Variants in AGBL1 observed in about 807,000 individuals in gnomAD.
AGBL1 encodes the protein cytosolic carboxypeptidase 4.
A neutral mutation model predicts 118.9 loss-of-function variants in AGBL1; 130 were observed. That is an observed-to-expected ratio of 1.09 (90% CI 0.95 to 1.26). AGBL1 has a LOEUF of 1.26. AGBL1 is among the 50% of genes most tolerant of loss of function. AGBL1 has a pLI of 0.00. For missense variants in AGBL1, 1,584 were observed against 1,298.1 expected (o/e 1.22, Z -3.38); for synonymous variants, 555 against 478.9 (o/e 1.16, Z -2.08).
intron 21 of AGBL1, among the ~76,000 whole-genome samples, chr15:86,668,119 C>G (rs548819416): frequency 6.6e-6 from 1 of 152,150 alleles, no homozygotes; most frequent in Non-Finnish European, 1.5e-5. Context: ...GGGGAGGGCA[C>G]CAAGCCATCC....
intron 22 of AGBL1, among the ~76,000 whole-genome samples, chr15:86,898,171 T>G (rs561115501): frequency 1.3e-5 from 2 of 152,334 alleles, no homozygotes; most frequent in East Asian, 3.9e-4. Flanking sequence ...AGCACCAGAA[T>G]AAATACACAT....
chr15:86,158,298 A>G (rs2077219871), intron 4 of AGBL1, among the ~76,000 whole-genome samples: 1 of 152,198 alleles, frequency 6.6e-6, no homozygotes, highest in Non-Finnish European at 1.5e-5. Context: ...GCAATTCAGT[A>G]TCATCCACCC....
intron 22 of AGBL1, among the ~76,000 whole-genome samples, chr15:86,804,792 G>A (rs560016542): frequency 1.5e-4 from 23 of 152,264 alleles, no homozygotes; most frequent in Non-Finnish European, 8.8e-5. Context: ...TGCATAGAAG[G>A]AAAGCCACAG....
chr15:87,023,682 A>G (rs1357914432), intron 24 of AGBL1, among the ~76,000 whole-genome samples: 6 of 152,110 alleles, frequency 3.9e-5, no homozygotes, highest in Admixed American at 3.9e-4. Flanking sequence ...CAGAATATAC[A>G]TTGTATTAAA....
At chr15:86,639,522 C>G (rs2085156854) in intron 21 of AGBL1, among the ~76,000 whole-genome samples, 1 of 152,170 alleles carries the variant, frequency 6.6e-6, no homozygotes, top group Non-Finnish European at 1.5e-5. Context: ...GGCCATGCAT[C>G]TTCTGTGCCA....
chr15:87,025,533 A>C (rs892399621), intron 24 of AGBL1, among the ~76,000 whole-genome samples: 2 of 152,108 alleles, frequency 1.3e-5, no homozygotes, highest in Admixed American at 1.3e-4. Context: ...TCCCATGCTC[A>C]TGGATGGGTA....
chr15:86,367,124 A>G lies in AGBL1; in HGVS notation c.2375-30242A>G, dbSNP rs149805247. ...GAACTGTTTAGAACCAAGTGACAAA[A>G]CCCAATTGAAAATGGTTTCAACGAA... On this transcript the variant is annotated intron_variant, in intron 17 of 22. Coordinates refer to ENST00000614907, the MANE Select transcript of AGBL1 (RefSeq NM_001386094.1). Among the ~76,000 whole-genome samples the G allele has an allele frequency of 9.8e-3, 1,500 of 152,296 alleles. 9 individuals carry two copies. The highest frequency in any genetic ancestry group is 0.024 in the Middle Eastern group (7 of 294).
At position 87,021,864 on chromosome 15, in the gene AGBL1, C is replaced by T. The variant is rs576277718; in HGVS notation, c.3324-6961C>T. Among the ~76,000 whole-genome samples the T allele has an allele frequency of 1.3e-4, 20 of 152,164 alleles. No homozygotes were observed. The South Asian group carries it at 3.9e-3, about 30-fold the overall frequency. The stretch of plus-strand genomic sequence containing the variant: ...AATAAATCAGGAAACCTGAAAGGAC[C>T]CACAGACCCCTGAAGGAAGCGGATT... On this transcript the variant is annotated intron_variant, in intron 24 of 24. Coordinates refer to the AGBL1 transcript ENST00000441037.
intron 22 of AGBL1, among the ~76,000 whole-genome samples, chr15:86,831,375 C>G (rs2079101459): frequency 6.6e-6 from 1 of 152,184 alleles, no homozygotes; most frequent in Non-Finnish European, 1.5e-5. Flanking sequence ...AGTCCAAAGT[C>G]TCATCTGAGA....
At chr15:86,708,100 A>G (rs758285963) in intron 22 of AGBL1, among the ~76,000 whole-genome samples, 1 of 152,100 alleles carries the variant, frequency 6.6e-6, no homozygotes, top group East Asian at 1.9e-4. Context: ...TCTTTCAGTG[A>G]CACAGGCATT....
intron 18 of AGBL1, among the ~76,000 whole-genome samples, chr15:86,468,718 G>A (rs2082439213): frequency 6.6e-6 from 1 of 152,152 alleles, no homozygotes; most frequent in African/African-American, 2.4e-5. Flanking sequence ...CATCACCAAG[G>A]AATAATGAGT....
chr15:86,093,971 G>T (rs1259510450), intron 1 of AGBL1, among the ~76,000 whole-genome samples: 1 of 151,960 alleles, frequency 6.6e-6, no homozygotes, highest in Non-Finnish European at 1.5e-5. Flanking sequence ...GAATTTGTTA[G>T]GTGAGGAAAC....
chr15:86,459,878 T>A (rs942131388), intron 18 of AGBL1, among the ~76,000 whole-genome samples: 1 of 152,098 alleles, frequency 6.6e-6, no homozygotes, highest in Non-Finnish European at 1.5e-5. Context: ...ATGCTTATAG[T>A]GAAATCAGCT....
At chr15:86,845,311 T>G (rs193199988) in intron 22 of AGBL1, among the ~76,000 whole-genome samples, 9 of 152,270 alleles carry the variant, frequency 5.9e-5, no homozygotes, top group South Asian at 4.1e-4. Context: ...TAAATCCTTT[T>G]TATAGGCAGT....
At chr15:86,424,696 A>G (rs1317432595) in intron 18 of AGBL1, among the ~76,000 whole-genome samples, 1 of 152,242 alleles carries the variant, frequency 6.6e-6, no homozygotes, top group Non-Finnish European at 1.5e-5. Context: ...TTACAATTGA[A>G]AAAACCAACA....
chr15:86,617,786 ACACAC>A (rs1276950961), intron 21 of AGBL1, among the ~76,000 whole-genome samples: 2 of 151,796 alleles, frequency 1.3e-5, no homozygotes, highest in African/African-American at 4.8e-5. Context: ...ACACACACAC[ACACAC>A]ACAGCCAGCC....
chr15:86,466,403 T>C (rs1205410899), intron 18 of AGBL1, among the ~76,000 whole-genome samples: 3 of 152,252 alleles, frequency 2.0e-5, no homozygotes, highest in Admixed American at 6.5e-5. Flanking sequence ...TAACCTTTTA[T>C]CAAGGTTCTT....
intron 21 of AGBL1, among the ~76,000 whole-genome samples, chr15:86,567,844 A>G (rs2083938741): frequency 6.6e-6 from 1 of 152,128 alleles, no homozygotes; most frequent in African/African-American, 2.4e-5. Context: ...TGGTCCAGGA[A>G]TCTACCTTTT....
At chr15:86,593,083 G>A (rs1191573296) in intron 21 of AGBL1, among the ~76,000 whole-genome samples, 1 of 152,116 alleles carries the variant, frequency 6.6e-6, no homozygotes, top group East Asian at 1.9e-4. Context: ...ATTCATCAAT[G>A]GGTTATAGTC....
Sources: gnomAD v4.1 joint callset for allele counts (sites outside exome capture counted in the v4.1 genomes callset) on GRCh38, gnomAD v4.1.1 for gene constraint, MANE v1.5 for transcripts, NCBI Gene and HGNC (gene_info 2026-07-23, HGNC 2026-07-21) for gene names.